The following SYT2 variants were observed in gnomAD, a reference collection of about 807,000 sequenced individuals.
SYT2 encodes synaptotagmin-2.
A neutral mutation model predicts 39.9 loss-of-function variants in SYT2; 15 were observed. That is an observed-to-expected ratio of 0.38 (90% CI 0.25 to 0.58). The LOEUF (loss-of-function observed/expected upper bound fraction) is 0.58. Among genes scored for constraint, SYT2 ranks in the 20% least tolerant of loss-of-function variants. The pLI is 0.70. For missense variants in SYT2, 389 were observed against 530.3 expected (o/e 0.73, Z 2.62); for synonymous variants, 181 against 204.5 (o/e 0.89, Z 0.98).
At chr1:202,609,109 T>C (rs1572620380) in intron 1 of SYT2, among the ~76,000 whole-genome samples, 4 of 144,142 alleles carry the variant, frequency 2.8e-5, no homozygotes, top group Admixed American at 2.2e-4. Flanking sequence ...TTCCCACCTA[T>C]GAGTGAGAAC....
intron 1 of SYT2, among the ~76,000 whole-genome samples, chr1:202,612,192 A>G (rs1342772699): frequency 6.6e-6 from 1 of 152,194 alleles, no homozygotes; most frequent in African/African-American, 2.4e-5. Flanking sequence ...CCCTTGTAAA[A>G]TATCAACTGA....
chr1:202,692,779 G>A (rs1457268985), intron 1 of SYT2, among the ~76,000 whole-genome samples: 1 of 152,208 alleles, frequency 6.6e-6, no homozygotes, highest in Non-Finnish European at 1.5e-5. Flanking sequence ...GAAAGTTAGG[G>A]CTGGGGGCAG....
chr1:202,633,046 T>A (rs1388814411), intron 1 of SYT2: 3 of 152,266 alleles, frequency 2.0e-5, no homozygotes, highest in Admixed American at 1.3e-4. Context: ...GTTTACAGGA[T>A]GTGGCTGTGC....
chr1:202,613,281 A>G (rs1390960173), intron 1 of SYT2, among the ~76,000 whole-genome samples: 2 of 151,866 alleles, frequency 1.3e-5, no homozygotes, highest in Non-Finnish European at 2.9e-5. Flanking sequence ...GGGTTCCACC[A>G]TGTTGGCCAG....
chr1:202,694,885 A>G (rs970147724), intron 1 of SYT2, among the ~76,000 whole-genome samples: 1 of 152,068 alleles, frequency 6.6e-6, no homozygotes, highest in Non-Finnish European at 1.5e-5. Flanking sequence ...CAACATGTCT[A>G]TACCCACACT....
intron 1 of SYT2, among the ~76,000 whole-genome samples, chr1:202,682,667 C>T (rs548331938): frequency 5.9e-5 from 9 of 152,112 alleles, no homozygotes; most frequent in South Asian, 4.2e-4. Context: ...AACTGAGGCA[C>T]GGGCTCTCTG....
chr1:202,596,296 C>T lies in SYT2; in HGVS notation c.*461G>A, dbSNP rs113871158. 164 of 71,952 alleles carry T rather than the reference C, an allele frequency of 2.3e-3. 1 individual carries two copies. Among genetic ancestry groups the T allele is most frequent in the South Asian group, 0.015 (35 of 2,274 alleles). The allele number at this position is 71,952 out of a possible 1,614,324, so 4.5% of individuals were successfully genotyped here. ...ACACACACACACACACACACACACA[C>T]ACACACACACATACACACACACACA... is the stretch of plus-strand genomic sequence containing the variant. On this transcript the variant is annotated 3_prime_UTR_variant, in exon 9 of 9. Transcript: ENST00000367268.
At chr1:202,620,206 G>A (rs1691166873) in intron 1 of SYT2, among the ~76,000 whole-genome samples, 1 of 152,238 alleles carries the variant, frequency 6.6e-6, no homozygotes, top group Non-Finnish European at 1.5e-5. Flanking sequence ...TGCCCAGGAT[G>A]GCCACTTGGC....
intron 1 of SYT2, among the ~76,000 whole-genome samples, chr1:202,687,666 C>CAAAAA (rs59844832): frequency 6.0e-5 from 5 of 83,876 alleles, no homozygotes; most frequent in Admixed American, 1.4e-4. Flanking sequence ...AACTCCATCT[C>CAAAAA]AAAAAAAAAA....
At chr1:202,597,049 AT>A in intron 8 of SYT2, 86 bp from the exon 9 acceptor site, 1 of 1,232,096 alleles carries the variant, frequency 8.1e-7, no homozygotes, top group African/African-American at 1.5e-5. Flanking sequence ...TCTACTCCCA[AT>A]GATTGGGAAG....
chr1:202,626,397 GCTTTTTTT>G (rs975991313), intron 1 of SYT2, among the ~76,000 whole-genome samples: 14 of 102,432 alleles, frequency 1.4e-4, no homozygotes, highest in African/African-American at 4.2e-4. Context: ...CAGCCTCTCA[GCTTTTTTT>G]TTTTTTTTTT....
chr1:202,643,719 G>C lies in SYT2; in HGVS notation c.-17-37930C>G, dbSNP rs1199138976. Among the ~76,000 whole-genome samples, 5 of 152,310 alleles carry C rather than the reference G, an allele frequency of 3.3e-5. No homozygotes were observed. In the East Asian group the frequency reaches 9.7e-4, roughly 30 times the overall value. On this transcript the variant is annotated intron_variant, in intron 1 of 8. Transcript: ENST00000367268. Reference sequence around the variant, plus strand: ...AGGAGAAGGGGAGGTGTGTGCGGGAGGGACTAGGCTGGGGGAGAGGGGTTT... The same window carrying C: ...AGGAGAAGGGGAGGTGTGTGCGGGACGGACTAGGCTGGGGGAGAGGGGTTT...
chr1:202,709,094 GC>G (rs1654325436), intron 1 of SYT2, among the ~76,000 whole-genome samples: 1 of 151,010 alleles, frequency 6.6e-6, no homozygotes, highest in Non-Finnish European at 1.5e-5. Context: ...GGCTTCCTGG[GC>G]GCCCCCAGAT....
At position 202,631,924 on chromosome 1, in the gene SYT2, C is replaced by T. The variant is rs574857881; in HGVS notation, c.-17-26135G>A. The T allele has an allele frequency of 5.0e-5, 32 of 639,326 alleles. No homozygotes were observed. In the African/African-American group the frequency reaches 6.4e-4, roughly 13 times the overall value. The allele number at this position is 639,326 out of a possible 1,614,324, so 39.6% of individuals were successfully genotyped here. A position where few individuals can be genotyped will look rare whatever the true frequency, so the allele number is the denominator to read the frequency against. ...CCTCTAAATCTCTGACATCTCCATC[C>T]CAGCCCTTGCTGCTGATTGGCCTCA... On this transcript the variant is annotated intron_variant, in intron 1 of 8. Transcript: ENST00000367268.
At chr1:202,674,394 G>A (rs978011757) in intron 1 of SYT2, among the ~76,000 whole-genome samples, 1 of 152,142 alleles carries the variant, frequency 6.6e-6, no homozygotes, top group East Asian at 1.9e-4. Flanking sequence ...GAGCCACCGC[G>A]CCTGGCCTAG....
intron 1 of SYT2, among the ~76,000 whole-genome samples, chr1:202,646,087 A>C (rs1414189324): frequency 1.3e-5 from 2 of 152,214 alleles, no homozygotes; most frequent in Non-Finnish European, 2.9e-5. Context: ...TTGTGAGTCT[A>C]CATGGGCTGG....
chr1:202,624,763 T>C (rs1442333290), intron 1 of SYT2, among the ~76,000 whole-genome samples: 1 of 20,826 alleles, frequency 4.8e-5, no homozygotes, highest in Non-Finnish European at 1.3e-4. Flanking sequence ...GTGGTGTGTG[T>C]GTGGTGTGTG....
intron 1 of SYT2, among the ~76,000 whole-genome samples, chr1:202,617,281 G>A (rs555384166): frequency 2.1e-4 from 32 of 152,264 alleles, no homozygotes; most frequent in Non-Finnish European, 2.4e-4. Flanking sequence ...GTTGGAGGTG[G>A]GGCCTGGTGA....
At chr1:202,627,990 G>C (rs937198748) in intron 1 of SYT2, among the ~76,000 whole-genome samples, 48 of 152,224 alleles carry the variant, frequency 3.2e-4, no homozygotes, top group African/African-American at 1.1e-3. Flanking sequence ...ACCCAGCCCA[G>C]GGCTCTTTCC....
Sources: gnomAD v4.1 joint callset for allele counts (sites outside exome capture counted in the v4.1 genomes callset) on GRCh38, gnomAD v4.1.1 for gene constraint, MANE v1.5 for transcripts, NCBI Gene and HGNC (gene_info 2026-07-23, HGNC 2026-07-21) for gene names.